Variants in REDIC1 observed in about 807,000 individuals in gnomAD.
REDIC1 encodes regulator of DNA class I crossover intermediates 1.
At chr12:39,853,955 G>A in the REDIC1 span, among the ~76,000 whole-genome samples, 15 of 152,040 alleles carry the variant, frequency 9.9e-5, no homozygotes, top group African/African-American at 3.6e-4. Flanking sequence ...GATTTTCAGG[G>A]CAGTATTTTG....
the REDIC1 span, among the ~76,000 whole-genome samples, chr12:39,728,780 CTTTTTTTTTTT>C: frequency 1.1e-5 from 1 of 92,188 alleles, no homozygotes; most frequent in South Asian, 4.2e-4. Context: ...TGGTCCTGGG[CTTTTTTTTTTT>C]TTTTTTTTTG....
the REDIC1 span, among the ~76,000 whole-genome samples, chr12:39,653,548 CTTCTTCTTCT>C: frequency 7.6e-6 from 1 of 132,288 alleles, no homozygotes; most frequent in African/African-American, 2.9e-5. Flanking sequence ...TTTTCTTCTT[CTTCTTCTTCT>C]TTCTTCTTCT....
At chr12:39,898,399 T>C in the REDIC1 span, among the ~76,000 whole-genome samples, 1 of 152,058 alleles carries the variant, frequency 6.6e-6, no homozygotes, top group Admixed American at 6.6e-5. Context: ...TGCTAGAAAA[T>C]CCTTGATTTA....
the REDIC1 span, among the ~76,000 whole-genome samples, chr12:39,905,519 C>G: frequency 6.6e-6 from 1 of 152,060 alleles, no homozygotes; most frequent in East Asian, 1.9e-4. Context: ...TTCTCATTTA[C>G]AAATATGGTC....
the REDIC1 span, among the ~76,000 whole-genome samples, chr12:39,872,549 G>A: frequency 2.6e-5 from 4 of 152,180 alleles, no homozygotes; most frequent in South Asian, 2.1e-4. Flanking sequence ...GGGTACTCTG[G>A]TGAGCTAAGT....
the REDIC1 span, among the ~76,000 whole-genome samples, chr12:39,769,662 T>A: frequency 6.6e-6 from 1 of 152,122 alleles, no homozygotes; most frequent in East Asian, 1.9e-4. Context: ...TCACGTTCCA[T>A]CAATATCTCT....
chr12:39,683,219 C>T, the REDIC1 span: 2 of 1,361,660 alleles, frequency 1.5e-6, no homozygotes, highest in Non-Finnish European at 1.0e-6. Context: ...TATATTCATA[C>T]ACACACATCT....
At chr12:39,710,980 G>A in the REDIC1 span, among the ~76,000 whole-genome samples, 3 of 150,718 alleles carry the variant, frequency 2.0e-5, no homozygotes, top group Non-Finnish European at 4.4e-5. Context: ...TTGTGAGACC[G>A]GTGCACCCAT....
the REDIC1 span, among the ~76,000 whole-genome samples, chr12:39,658,916 ATTG>A: frequency 6.6e-6 from 1 of 151,946 alleles, no homozygotes; most frequent in African/African-American, 2.4e-5. Flanking sequence ...CCAATAATGC[ATTG>A]TTGTTTTGTT....
chr12:39,714,355 G>GTATATACATGCATATA, the REDIC1 span, among the ~76,000 whole-genome samples: 1 of 147,234 alleles, frequency 6.8e-6, no homozygotes, highest in Non-Finnish European at 1.5e-5. Context: ...ATATGTATAT[G>GTATATACATGCATATA]TGTATATATG....
At chr12:39,801,255 AAAT>A in the REDIC1 span, among the ~76,000 whole-genome samples, 4 of 147,578 alleles carry the variant, frequency 2.7e-5, no homozygotes, top group Non-Finnish European at 6.0e-5. Flanking sequence ...ATTAAAAAAA[AAAT>A]CATTTATTAA....
the REDIC1 span, chr12:39,829,460 G>A: frequency 1.7e-5 from 2 of 120,192 alleles, no homozygotes; most frequent in Non-Finnish European, 3.2e-5. Flanking sequence ...AGGCTGGAGT[G>A]CAGTGGTTTG....
At chr12:39,731,726 T>C in the REDIC1 span, among the ~76,000 whole-genome samples, 5 of 152,160 alleles carry the variant, frequency 3.3e-5, no homozygotes, top group African/African-American at 9.7e-5. Context: ...GCAGGAACAT[T>C]TAACTCCGCT....
At chr12:39,717,371 ATAAAG>A in the REDIC1 span, among the ~76,000 whole-genome samples, 6 of 152,178 alleles carry the variant, frequency 3.9e-5, no homozygotes, top group African/African-American at 1.2e-4. Context: ...TATTTATACA[ATAAAG>A]TAAGCTAAAG....
chr12:39,785,848 C>A, the REDIC1 span, among the ~76,000 whole-genome samples: 1 of 152,160 alleles, frequency 6.6e-6, no homozygotes, highest in Non-Finnish European at 1.5e-5. Context: ...GGATTTTGGA[C>A]TTGCATGGGG....
At chr12:39,699,819 C>T in the REDIC1 span, among the ~76,000 whole-genome samples, 2 of 152,166 alleles carry the variant, frequency 1.3e-5, no homozygotes, top group Admixed American at 6.5e-5. Flanking sequence ...GGAGGCACCC[C>T]CAAGCAGTGG....
chr12:39,713,511 C>T, the REDIC1 span, among the ~76,000 whole-genome samples: 3 of 149,328 alleles, frequency 2.0e-5, no homozygotes, highest in Non-Finnish European at 3.0e-5. Flanking sequence ...CATATGTATA[C>T]ATGCGTGCAT....
the REDIC1 span, among the ~76,000 whole-genome samples, chr12:39,667,576 G>A: frequency 2.2e-4 from 33 of 152,254 alleles, no homozygotes; most frequent in South Asian, 5.0e-3. Flanking sequence ...GTAGATGTCT[G>A]TTAGGTCTGC....
At chr12:39,627,398 C>T in the REDIC1 span, among the ~76,000 whole-genome samples, 1 of 152,232 alleles carries the variant, frequency 6.6e-6, no homozygotes, top group African/African-American at 2.4e-5. Context: ...ATTTAGTATT[C>T]TTTAAAATAT....
Sources: gnomAD v4.1 joint callset for allele counts (sites outside exome capture counted in the v4.1 genomes callset) on GRCh38, gnomAD v4.1.1 for gene constraint, MANE v1.5 for transcripts, NCBI Gene and HGNC (gene_info 2026-07-23, HGNC 2026-07-21) for gene names.